The following DOCK9 variants were observed in gnomAD, a reference collection of about 807,000 sequenced individuals.
DOCK9 encodes the protein dedicator of cytokinesis 9, also known as dedicator of cytokinesis protein 9.
DOCK9 carries 89 observed loss-of-function variants against 263.3 expected under a neutral mutation model. The observed-to-expected ratio is 0.34, with a 90% CI of 0.28 to 0.40. The LOEUF (loss-of-function observed/expected upper bound fraction) is 0.40, where lower values mean the gene tolerates loss of function less well. Among genes scored for constraint, DOCK9 ranks in the 10% least tolerant of loss-of-function variants. DOCK9 has a pLI of 1.00. For missense variants in DOCK9, 2,140 were observed against 2,603.4 expected, an observed-to-expected ratio of 0.82 and a Z score of 3.87; for synonymous variants, 976 against 973.1, an observed-to-expected ratio of 1.00 and a Z score of -0.06.
Position 98,793,877 on chromosome 13 carries a change from T to C in DOCK9, c.*749A>G, listed in dbSNP as rs1477039662. 1 of 152,650 alleles carries C rather than the reference T, an allele frequency of 6.6e-6. No individual in the cohort carries two copies. The highest frequency in any genetic ancestry group is 1.5e-5 in the Non-Finnish European group (1 of 68,036). The allele number at this position is 152,650 out of a possible 1,614,324, so 9.5% of individuals were successfully genotyped here. On this transcript the variant is annotated 3_prime_UTR_variant, in exon 53 of 53. Transcript: ENST00000682017. ...CTTAATGCATAAGCCCATGTGAGTA[T>C]TAAAAATGTAGAAATGTAATACATA...
chr13:98,796,334 C>T (rs535231841), intron 52 of DOCK9: 33 of 817,666 alleles, frequency 4.0e-5, no homozygotes, highest in South Asian at 2.4e-4. Context: ...ACTCCACAAA[C>T]GGCCCTGGCT....
At chr13:99,029,429 CTTTATA>C in intron 1 of DOCK9, among the ~76,000 whole-genome samples, 1 of 152,158 alleles carries the variant, frequency 6.6e-6, no homozygotes, top group Admixed American at 6.5e-5. Flanking sequence ...AATAACAATT[CTTTATA>C]TTTAATTATC....
chr13:98,880,581 G>A lies in DOCK9; in HGVS notation c.2837C>T (p.Ser946Phe). Residue 946 changes from serine (S) to phenylalanine (F), a missense_variant, in exon 26 of 53, where the codon TCT becomes TTT. Transcript: ENST00000682017. ...TTTGTTGCTGGTGAGGAAATCGGCA[G>A]AAGGCTTGAGAATCGTGGTCATGGA... ...TKSMTTILKP[S>F]ADFLTSNKLL... 1 of 1,613,960 alleles carries A rather than the reference G, an allele frequency of 6.2e-7. No homozygotes were observed. Among genetic ancestry groups the A allele is most frequent in the South Asian group, 1.1e-5 (1 of 91,064 alleles).
chr13:98,979,832 C>A (rs1876711225), upstream of DOCK9, among the ~76,000 whole-genome samples: 1 of 152,102 alleles, frequency 6.6e-6, no homozygotes, highest in Non-Finnish European at 1.5e-5. Flanking sequence ...GAATGTCCTA[C>A]AAATCAAAGA....
rs1413717696 is a variant in DOCK9, at chr13:99,048,819, C to T, written c.129+37404G>A. The stretch of plus-strand genomic sequence containing the variant: ...CATCACTGACCACTGCTCGGGACTT[C>T]CCACTTTGTTAGGTAAAGACTTCAC... On this transcript the variant is annotated intron_variant, in intron 1 of 32. Coordinates refer to the DOCK9 transcript ENST00000427887. Among the ~76,000 whole-genome samples, 2 of 152,214 alleles carry T rather than the reference C, an allele frequency of 1.3e-5. 1 individual carries two copies. Among genetic ancestry groups the T allele is most frequent in the East Asian group, 3.8e-4 (2 of 5,204 alleles).
chr13:98,807,941 G>C, intron 47 of DOCK9, 134 bp from the exon 48 acceptor site: 1 of 678,442 alleles, frequency 1.5e-6, no homozygotes, highest in Non-Finnish European at 2.3e-6. Flanking sequence ...CTTTCTGAAT[G>C]AGAAAGAAAA....
At chr13:98,881,838 C>T (rs564246025) in intron 24 of DOCK9, 54 bp downstream of exon 24, 2 of 1,454,566 alleles carry the variant, frequency 1.4e-6, no homozygotes, top group East Asian at 2.5e-5. Flanking sequence ...CATGACTATG[C>T]TCCAGATGTG....
intron 1 of DOCK9, among the ~76,000 whole-genome samples, chr13:99,066,688 T>C (rs1437727396): frequency 2.0e-5 from 3 of 152,200 alleles, no homozygotes; most frequent in Non-Finnish European, 2.9e-5. Context: ...ATGCCCTGTT[T>C]TCCCTAGTTA....
At chr13:99,087,589 C>T (rs1473909882), upstream of DOCK9, among the ~76,000 whole-genome samples, 1 of 152,204 alleles carries the variant, frequency 6.6e-6, no homozygotes, top group Non-Finnish European at 1.5e-5. Context: ...AACCGCTTTC[C>T]TGTCCCTAAG....
chr13:98,846,825 C>T (rs1038588698), intron 37 of DOCK9: 14 of 351,078 alleles, frequency 4.0e-5, no homozygotes, highest in Admixed American at 3.2e-4. Flanking sequence ...ACTCGACCAC[C>T]GTGGATGGCA....
rs1459822885 is a variant in DOCK9 at position 98,885,827 on chromosome 13, T to C, written c.2141A>G (p.Lys714Arg). Reference sequence around the variant, plus strand: ...ATGCAGCTGAGTGGGCAACTCTATTTTAATCTGCAAGGGAAGACAAAATAA... The same window carrying C: ...ATGCAGCTGAGTGGGCAACTCTATTCTAATCTGCAAGGGAAGACAAAATAA... ...HQNPEFYDEI[K>R]IELPTQLHEK... Residue 714 changes from lysine to arginine, a missense_variant, in exon 20 of 53, where the codon AAA (lysine) becomes AGA (arginine). Physicochemically the swap from Lys to Arg is conservative, Grantham distance 26. Around this residue, in one of 2 missense-constraint regions of DOCK9, gnomAD observed 1,521 missense variants for 1,741.7 expected, o/e 0.87. Transcript: ENST00000682017. 1 of 1,601,628 alleles carries C rather than the reference T, an allele frequency of 6.2e-7. No homozygotes were observed.
chr13:99,036,649 C>A (rs1409423647), intron 1 of DOCK9, among the ~76,000 whole-genome samples: 1 of 152,196 alleles, frequency 6.6e-6, no homozygotes, highest in East Asian at 1.9e-4. Context: ...TCAAGTGATT[C>A]TCCTGCCTCA....
chr13:99,059,107 C>T (rs2142272339), intron 1 of DOCK9, among the ~76,000 whole-genome samples: 1 of 152,340 alleles, frequency 6.6e-6, no homozygotes, highest in South Asian at 2.1e-4. Flanking sequence ...ACACTCACCA[C>T]TAGAAATCAC....
At chr13:99,061,815 A>C (rs930627486) in intron 1 of DOCK9, among the ~76,000 whole-genome samples, 3 of 152,034 alleles carry the variant, frequency 2.0e-5, no homozygotes, top group African/African-American at 4.8e-5. Context: ...ATTTTCCTAT[A>C]ATAAACATGT....
intron 13 of DOCK9, among the ~76,000 whole-genome samples, chr13:98,900,121 A>G (rs1361934354): frequency 1.3e-5 from 2 of 152,114 alleles, no homozygotes; most frequent in Non-Finnish European, 2.9e-5. Flanking sequence ...GTGGCAGAAA[A>G]GTAAATGCAT....
intron 1 of DOCK9, among the ~76,000 whole-genome samples, chr13:99,004,157 G>C (rs754922622): frequency 2.0e-5 from 3 of 152,114 alleles, no homozygotes; most frequent in Admixed American, 2.0e-4. Context: ...GGTGCTTGTG[G>C]TACCTGTGCT....
chr13:98,926,841 C>G (rs1310531246), intron 3 of DOCK9, among the ~76,000 whole-genome samples: 1 of 152,210 alleles, frequency 6.6e-6, no homozygotes, highest in Non-Finnish European at 1.5e-5. Flanking sequence ...GTATTTATGC[C>G]TTATCTAGTT....
At chr13:98,898,604 A>G (rs941157899) in intron 13 of DOCK9, among the ~76,000 whole-genome samples, 15 of 152,204 alleles carry the variant, frequency 9.9e-5, no homozygotes, top group African/African-American at 3.4e-4. Context: ...GTTATTAATA[A>G]TTACTATTTG....
At chr13:98,939,834 A>G (rs186316387) in intron 2 of DOCK9, among the ~76,000 whole-genome samples, 5 of 152,332 alleles carry the variant, frequency 3.3e-5, no homozygotes, top group Non-Finnish European at 7.3e-5. Context: ...TAGATGGCTC[A>G]CAAGAGCTCC....
Sources: allele counts gnomAD v4.1 joint callset (sites outside exome capture counted in the v4.1 genomes callset), GRCh38; gene constraint gnomAD v4.1.1; regional missense constraint gnomAD v4.1.1; transcripts MANE v1.5; gene names NCBI Gene and HGNC (gene_info 2026-07-23, HGNC 2026-07-21).